EP400: variants seen among roughly 807,000 people sequenced by gnomAD.
EP400 encodes E1A-binding protein p400.
In EP400, 105 loss-of-function variants were observed where a neutral mutation model predicts 354.1. The ratio of observed to expected loss-of-function variants is 0.30; its 90% CI spans 0.25 to 0.35. EP400 has a LOEUF of 0.35. EP400 is among the 10% of genes least tolerant of loss of function. The pLI is 1.00. For synonymous variants in EP400, 1,646 were observed against 1,716.9 expected (o/e 0.96, Z 1.02); for missense variants, 3,280 against 4,121.0 (o/e 0.80, Z 5.59).
intron 51 of EP400, among the ~76,000 whole-genome samples, chr12:132,073,034 T>G (rs1313714003): frequency 2.6e-5 from 4 of 152,158 alleles, no homozygotes; most frequent in Admixed American, 2.6e-4. Context: ...TGTGAGCAGC[T>G]CGCGGGCAGG....
intron 13 of EP400, among the ~76,000 whole-genome samples, chr12:132,005,785 T>C (rs142986093): frequency 6.6e-6 from 1 of 152,234 alleles, no homozygotes; most frequent in East Asian, 1.9e-4. Context: ...GGGAGATCCC[T>C]AAACCCTGAG....
At chr12:132,028,411 G>A (rs571863118) in intron 27 of EP400, 123 bp downstream of exon 27, 76 of 1,273,410 alleles carry the variant, frequency 6.0e-5, no homozygotes, top group African/African-American at 1.3e-4. Flanking sequence ...GTCCCTTAGC[G>A]GTCTGTTTTG....
chr12:132,076,301 T>C (rs1896236386), intron 51 of EP400: 5 of 669,826 alleles, frequency 7.5e-6, no homozygotes, highest in Middle Eastern at 4.7e-4. Flanking sequence ...AAATGATGAG[T>C]GATGGCAAAT....
intron 23 of EP400, among the ~76,000 whole-genome samples, chr12:132,022,728 C>T (rs1235106144): frequency 6.6e-6 from 1 of 151,422 alleles, no homozygotes; most frequent in Non-Finnish European, 1.5e-5. Context: ...TAGTATGAAG[C>T]TTTATATCTT....
chr12:132,056,274 A>G (rs1369978483), intron 45 of EP400, among the ~76,000 whole-genome samples: 1 of 152,110 alleles, frequency 6.6e-6, no homozygotes, highest in Non-Finnish European at 1.5e-5. Context: ...GGCAAGTAGA[A>G]TGTAGTCTCT....
Position 132,078,970 on chromosome 12 carries a change from A to G in EP400, c.*1297A>G, listed in dbSNP as rs890735387. The G allele has an allele frequency of 5.3e-5, 8 of 152,228 alleles. No homozygotes were observed. Among genetic ancestry groups the G allele is most frequent in the East Asian group, 1.9e-4 (1 of 5,202 alleles). 9.4% of individuals were successfully genotyped at this position (152,228 alleles called of 1,614,324 possible). A position where few individuals can be genotyped will look rare whatever the true frequency, so the allele number is the denominator to read the frequency against. On this transcript the variant is annotated 3_prime_UTR_variant, in exon 53 of 53. Transcript: ENST00000389561. ...ACCAAAGCAAAAAGGTCCATATCCAATAGTATCCTTTGTGCTGTGGCTTGA... is the reference window on the plus strand; with the variant it reads ...ACCAAAGCAAAAAGGTCCATATCCAGTAGTATCCTTTGTGCTGTGGCTTGA...
intron 1 of EP400, among the ~76,000 whole-genome samples, chr12:131,952,609 C>T (rs989597751): frequency 2.6e-5 from 4 of 152,070 alleles, no homozygotes; most frequent in East Asian, 1.9e-4. Context: ...TGTGGCACCA[C>T]GCCGTGCTAA....
chr12:132,036,296 TGTC>T (rs1894711567), intron 30 of EP400, among the ~76,000 whole-genome samples: 1 of 128,502 alleles, frequency 7.8e-6, no homozygotes, highest in Admixed American at 7.9e-5. Context: ...TCGCACGGAA[TGTC>T]GTGGAAGCAC....
At chr12:132,016,919 T>G (rs755870505) in intron 19 of EP400, among the ~76,000 whole-genome samples, 4 of 152,156 alleles carry the variant, frequency 2.6e-5, no homozygotes, top group Non-Finnish European at 5.9e-5. Flanking sequence ...CCTGAGTCTC[T>G]CTCCCGACCA....
At chr12:132,060,217 G>A (rs927834636) in intron 45 of EP400, among the ~76,000 whole-genome samples, 5 of 151,900 alleles carry the variant, frequency 3.3e-5, no homozygotes, top group South Asian at 4.1e-4. Flanking sequence ...TGAGGGAAGT[G>A]GAGGCAAAAA....
chr12:132,065,888 G>A (rs1308122102), intron 48 of EP400: 2 of 152,238 alleles, frequency 1.3e-5, no homozygotes, highest in Admixed American at 1.3e-4. Flanking sequence ...TTTTGGAGAG[G>A]ATTTTGGTAA....
At position 131,960,469 on chromosome 12, in the gene EP400, C is replaced by T. The variant is rs879489042; in HGVS notation, c.-35-116C>T. 1.8e-5 allele frequency: 18 copies of T among 1,015,640 alleles called. No individual in the cohort carries two copies. In the Middle Eastern group the frequency reaches 9.4e-4, roughly 53 times the overall value. 62.9% of individuals were successfully genotyped at this position (1,015,640 alleles called of 1,614,324 possible). A position where few individuals can be genotyped will look rare whatever the true frequency, so the allele number is the denominator to read the frequency against. ...CATATTGAATGTGAGTCAGCTCTGT[C>T]GTTTGAATCAGATGCGGTGGGAATG... On this transcript the variant is annotated intron_variant, in intron 1 of 52. Transcript: ENST00000389561.
intron 35 of EP400, 42 bp from the exon 36 acceptor site, chr12:132,044,629 C>T (rs760700267): frequency 4.0e-5 from 64 of 1,613,116 alleles, no homozygotes; most frequent in Non-Finnish European, 5.3e-5. Flanking sequence ...TAACATGACA[C>T]TGAGACTTGG....
chr12:131,980,507 A>G lies in EP400; in HGVS notation c.1435+714A>G, dbSNP rs1892643135. 5.3e-5 allele frequency among the ~76,000 whole-genome samples: 8 copies of G among 152,230 alleles called. No individual in the cohort carries two copies. In the South Asian group the frequency reaches 1.7e-3, roughly 32 times the overall value. On this transcript the variant is annotated intron_variant, in intron 3 of 52. Transcript: ENST00000389561. ...TGTTACAGTGAGCTAAGGATTGAAC[A>G]TGTAGTCTCATGGTTTTTTTTTCCT...
chr12:132,010,661 G>C (rs570537792), intron 15 of EP400, among the ~76,000 whole-genome samples: 1 of 152,130 alleles, frequency 6.6e-6, no homozygotes, highest in Non-Finnish European at 1.5e-5. Context: ...TAGTTTTCTC[G>C]CCAGGCTTGG....
intron 12 of EP400, among the ~76,000 whole-genome samples, chr12:132,001,523 G>A (rs1210416884): frequency 2.0e-5 from 3 of 152,186 alleles, no homozygotes; most frequent in Admixed American, 6.5e-5. Context: ...TTAGGCCTCC[G>A]GATAACTGTG....
chr12:131,956,484 CA>C, intron 1 of EP400, among the ~76,000 whole-genome samples: 1 of 152,230 alleles, frequency 6.6e-6, no homozygotes, highest in East Asian at 1.9e-4. Context: ...TGTTATTCTA[CA>C]GTGAGTATTG....
At chr12:132,061,946 G>C (rs1436973693) in intron 45 of EP400, among the ~76,000 whole-genome samples, 164 bp from the exon 46 acceptor site, 1 of 152,234 alleles carries the variant, frequency 6.6e-6, no homozygotes, top group Non-Finnish European at 1.5e-5. Flanking sequence ...ACTTGCTTGT[G>C]AATTTACACA....
At chr12:131,962,945 T>G (rs571817133) in intron 2 of EP400, among the ~76,000 whole-genome samples, 1 of 152,362 alleles carries the variant, frequency 6.6e-6, no homozygotes, top group African/African-American at 2.4e-5. Context: ...TGGATGTATT[T>G]GTGTGGCTTT....
Sources: gnomAD v4.1 joint callset for allele counts (sites outside exome capture counted in the v4.1 genomes callset) on GRCh38, gnomAD v4.1.1 for gene constraint, MANE v1.5 for transcripts, NCBI Gene and HGNC (gene_info 2026-07-23, HGNC 2026-07-21) for gene names.